PTK2B: variants seen among roughly 807,000 people sequenced by gnomAD.
The protein encoded by PTK2B is protein-tyrosine kinase 2-beta.
Under a neutral mutation model 142.9 loss-of-function variants are expected in PTK2B, and 71 were observed. The ratio of observed to expected loss-of-function variants is 0.50; its 90% CI spans 0.41 to 0.61. The LOEUF (loss-of-function observed/expected upper bound fraction) is 0.61. Among genes scored for constraint, PTK2B ranks in the 20% least tolerant of loss-of-function variants. The probability of loss-of-function intolerance (pLI) is 0.00; values close to 1 mark genes in which losing one functional copy is unlikely to be tolerated. For missense variants in PTK2B, 1,105 were observed against 1,320.4 expected (o/e 0.84, Z 2.53); for synonymous variants, 519 against 503.4 (o/e 1.03, Z -0.42).
At chr8:27,428,702 A>G (rs1026396950) in intron 5 of PTK2B, among the ~76,000 whole-genome samples, 1 of 152,132 alleles carries the variant, frequency 6.6e-6, no homozygotes, top group African/African-American at 2.4e-5. Flanking sequence ...CCCTACTCCA[A>G]CTAGCTGTGA....
At chr8:27,388,831 C>T (rs952677558) in intron 1 of PTK2B, among the ~76,000 whole-genome samples, 28 of 152,230 alleles carry the variant, frequency 1.8e-4, no homozygotes, top group African/African-American at 6.8e-4. Context: ...CCAGCTCACA[C>T]CTGTGCTGTA....
chr8:27,311,403 GGA>G (rs900611737), upstream of PTK2B: 2 of 857,440 alleles, frequency 2.3e-6, no homozygotes, highest in African/African-American at 3.5e-5. Context: ...CGAGGGGGAG[GGA>G]GGGGGCGCTC....
At chr8:27,355,620 T>G (rs1429649381) in intron 1 of PTK2B, among the ~76,000 whole-genome samples, 3 of 152,220 alleles carry the variant, frequency 2.0e-5, no homozygotes, top group Non-Finnish European at 2.9e-5. Flanking sequence ...GGAGAGCAAC[T>G]TGGCAGCATG....
At chr8:27,409,849 T>C (rs1469653349) in intron 2 of PTK2B, among the ~76,000 whole-genome samples, 7 of 152,148 alleles carry the variant, frequency 4.6e-5, no homozygotes, top group East Asian at 3.9e-4. Context: ...GCCTCCCAAG[T>C]AGCTGGGTTT....
chr8:27,351,022 T>A (rs1276732168), intron 1 of PTK2B, among the ~76,000 whole-genome samples: 1,096 of 70,952 alleles, frequency 0.015, 209 homozygotes, highest in African/African-American at 0.033. Flanking sequence ...TATATATATA[T>A]ATATATATAT....
chr8:27,317,389 G>T (rs1803117528), intron 3 of PTK2B, among the ~76,000 whole-genome samples: 1 of 152,226 alleles, frequency 6.6e-6, no homozygotes, highest in Middle Eastern at 3.4e-3. Context: ...CATTTGATAG[G>T]CAGTGACCTA....
intron 1 of PTK2B, among the ~76,000 whole-genome samples, chr8:27,335,952 C>T (rs1050066663): frequency 1.3e-5 from 2 of 152,200 alleles, no homozygotes; most frequent in East Asian, 3.9e-4. Context: ...ACCTACCAGG[C>T]CCTTGAGTCC....
At chr8:27,393,707 C>A (rs1157150937) in intron 1 of PTK2B, among the ~76,000 whole-genome samples, 7 of 152,080 alleles carry the variant, frequency 4.6e-5, no homozygotes, top group Admixed American at 4.6e-4. Context: ...TGTTTCACAG[C>A]AAAATTGAGC....
chr8:27,416,706 A>T (rs143285252), intron 2 of PTK2B, among the ~76,000 whole-genome samples: 2,507 of 152,314 alleles, frequency 0.016, 42 homozygotes, highest in Non-Finnish European at 0.023. Context: ...TATTCATAAA[A>T]TACATCATAC....
intron 1 of PTK2B, among the ~76,000 whole-genome samples, chr8:27,336,961 G>A (rs1216481032): frequency 2.8e-5 from 4 of 143,780 alleles, no homozygotes; most frequent in Non-Finnish European, 4.5e-5. Flanking sequence ...TCAGCCCCAC[G>A]TCCCCACCAC....
intron 23 of PTK2B, among the ~76,000 whole-genome samples, chr8:27,444,742 G>A (rs770122876): frequency 9.9e-5 from 15 of 152,152 alleles, no homozygotes; most frequent in African/African-American, 3.4e-4. Context: ...CAGGCTGTGC[G>A]TCCCTGACCC....
chr8:27,451,218 CT>C, intron 26 of PTK2B, 140 bp downstream of exon 26: 3 of 1,102,326 alleles, frequency 2.7e-6, no homozygotes, highest in Admixed American at 2.2e-5. Flanking sequence ...GGGAGGGTGT[CT>C]TTTCCTTTTC....
intron 1 of PTK2B, among the ~76,000 whole-genome samples, chr8:27,371,545 TTA>T (rs148359194): frequency 1.0e-4 from 15 of 147,418 alleles, no homozygotes; most frequent in Admixed American, 2.0e-4. Flanking sequence ...TTTTTATTAT[TTA>T]TATATATATA....
chr8:27,315,520 C>G (rs11997379), intron 3 of PTK2B, among the ~76,000 whole-genome samples: 52,402 of 152,002 alleles, frequency 0.34, 10,769 homozygotes, highest in Non-Finnish European at 0.46. Context: ...TCGTCTCATT[C>G]TCTTTCACTG....
chr8:27,364,100 A>G (rs1293075407), intron 1 of PTK2B, among the ~76,000 whole-genome samples: 1 of 152,244 alleles, frequency 6.6e-6, no homozygotes, highest in Non-Finnish European at 1.5e-5. Flanking sequence ...CCCGTTTTAC[A>G]GAGAAAGAAG....
chr8:27,313,096 G>A (rs1409113590), intron 2 of PTK2B: 2 of 152,182 alleles, frequency 1.3e-5, no homozygotes, highest in Admixed American at 6.5e-5. Flanking sequence ...GAATCACAGG[G>A]GTGGTTTTCC....
chr8:27,391,800 G>A (rs1807742189), intron 1 of PTK2B, among the ~76,000 whole-genome samples: 1 of 152,220 alleles, frequency 6.6e-6, no homozygotes, highest in Non-Finnish European at 1.5e-5. Context: ...AGTTCTTACA[G>A]ACAATCAGAA....
At chr8:27,393,715 A>G (rs1397911292) in intron 1 of PTK2B, among the ~76,000 whole-genome samples, 1 of 152,094 alleles carries the variant, frequency 6.6e-6, no homozygotes, top group Non-Finnish European at 1.5e-5. Flanking sequence ...AGCAAAATTG[A>G]GCCGAAAGTG....
chr8:27,405,550 C>T (rs542788316), intron 2 of PTK2B, among the ~76,000 whole-genome samples: 9 of 152,304 alleles, frequency 5.9e-5, no homozygotes, highest in Admixed American at 1.3e-4. Context: ...AACCCAGTGC[C>T]GCAGTATTTA....
Sources: gnomAD v4.1 joint callset for allele counts (sites outside exome capture counted in the v4.1 genomes callset) on GRCh38, gnomAD v4.1.1 for gene constraint, MANE v1.5 for transcripts, NCBI Gene and HGNC (gene_info 2026-07-23, HGNC 2026-07-21) for gene names.